The following PTPN5 variants were observed in gnomAD, a reference collection of about 807,000 sequenced individuals.
The protein encoded by PTPN5 is protein tyrosine phosphatase non-receptor type 5.
In PTPN5, 29 loss-of-function variants were observed where a neutral mutation model predicts 73.9. The ratio of observed to expected loss-of-function variants is 0.39; its 90% CI spans 0.29 to 0.54. PTPN5 has a LOEUF of 0.54. Among genes scored for constraint, PTPN5 ranks in the 20% least tolerant of loss-of-function variants. The pLI is 0.65. For missense variants in PTPN5, 652 were observed against 751.4 expected (o/e 0.87, Z 1.55); for synonymous variants, 267 against 304.7 (o/e 0.88, Z 1.29).
intron 3 of PTPN5, among the ~76,000 whole-genome samples, chr11:18,762,080 G>A (rs1199837222): frequency 6.6e-6 from 1 of 152,154 alleles, no homozygotes; most frequent in African/African-American, 2.4e-5. Context: ...CTGGGGCATT[G>A]GGGGGAGCTC....
At chr11:18,737,595 T>C (rs969230459) in intron 9 of PTPN5, among the ~76,000 whole-genome samples, 2 of 152,198 alleles carry the variant, frequency 1.3e-5, no homozygotes, top group African/African-American at 4.8e-5. Flanking sequence ...ACAGTGTGGC[T>C]AGGAACTGCT....
intron 1 of PTPN5, among the ~76,000 whole-genome samples, chr11:18,781,770 C>G (rs1287867569): frequency 6.6e-6 from 1 of 152,156 alleles, no homozygotes; most frequent in East Asian, 1.9e-4. Context: ...AAGAGCCAGT[C>G]CCTGCCCTCC....
intron 3 of PTPN5, among the ~76,000 whole-genome samples, chr11:18,760,761 T>G (rs1850349579): frequency 6.6e-6 from 1 of 152,202 alleles, no homozygotes; most frequent in Admixed American, 6.5e-5. Flanking sequence ...CTGGGCCCTG[T>G]GCCCCGTCTC....
intron 2 of PTPN5, among the ~76,000 whole-genome samples, chr11:18,770,953 G>C (rs959487807): frequency 1.3e-5 from 2 of 152,124 alleles, no homozygotes; most frequent in East Asian, 3.9e-4. Flanking sequence ...GGGATGGGGG[G>C]TGCTATTAGG....
chr11:18,765,962 T>C (rs892767985), intron 2 of PTPN5, 79 bp from the exon 3 acceptor site: 1 of 1,035,614 alleles, frequency 9.7e-7, no homozygotes, highest in East Asian at 2.6e-5. Flanking sequence ...ATAAGAAGGC[T>C]CCCTCTCCTG....
rs760066099 is a variant in PTPN5, at chr11:18,732,594, T to G, written c.1327A>C (p.Lys443Gln). The change falls in exon 12 of 15, where the codon AAG becomes CAG. Residue 443 changes from lysine (K) to glutamine (Q), a missense_variant and splice_region_variant. Lys to Gln is a moderately conservative substitution (Grantham distance 53). Transcript: ENST00000358540. Reference sequence around the variant, plus strand: ...CCCAGCCCTGCCCCAGGCCTCACCTTGAGGGAGATGAGTCGCAGCCGGTAA... The same window carrying G: ...CCCAGCCCTGCCCCAGGCCTCACCTGGAGGGAGATGAGTCGCAGCCGGTAA... The part of the protein sequence containing the change: ...EDYRLRLISL[K>Q]SGTEERGLKH... 6.2e-7 allele frequency: 1 copy of G among 1,613,238 alleles called. No individual in the cohort carries two copies. The highest frequency in any genetic ancestry group is 1.1e-5 in the South Asian group (1 of 91,074).
intron 8 of PTPN5, 85 bp from the exon 9 acceptor site, chr11:18,738,049 G>C: frequency 9.0e-7 from 1 of 1,114,362 alleles, no homozygotes; most frequent in Admixed American, 1.8e-5. Flanking sequence ...CCAACTCCTA[G>C]CCCAGGGGCT....
intron 3 of PTPN5, among the ~76,000 whole-genome samples, chr11:18,745,026 T>C (rs1464055963): frequency 6.6e-6 from 1 of 152,220 alleles, no homozygotes; most frequent in Non-Finnish European, 1.5e-5. Context: ...CTAAGATTAT[T>C]TCAAGGCAGA....
intron 3 of PTPN5, among the ~76,000 whole-genome samples, chr11:18,764,589 A>G (rs1000596908): frequency 3.3e-5 from 5 of 152,232 alleles, no homozygotes. Context: ...TCCAATGTCT[A>G]TCTTAAAGAG....
At chr11:18,783,201 T>C (rs1851521599) in intron 1 of PTPN5, among the ~76,000 whole-genome samples, 1 of 152,120 alleles carries the variant, frequency 6.6e-6, no homozygotes, top group African/African-American at 2.4e-5. Context: ...CAGTGGGAAA[T>C]GGCAATGCCT....
In PTPN5 at chr11:18,759,758, C is replaced by T. The variant is rs977046591; in HGVS notation, c.97+6049G>A. ...GAAATAAAAATCAACAGAACCTCTA[C>T]CACTGAGTGTTGACAGCTACCGGTG... On this transcript the variant is annotated intron_variant, in intron 3 of 14. Coordinates refer to ENST00000358540, the MANE Select transcript of PTPN5 (RefSeq NM_006906.2). Among the ~76,000 whole-genome samples the T allele has an allele frequency of 2.6e-5, 4 of 152,086 alleles. No homozygotes were observed. The East Asian group carries it at 5.8e-4, about 22-fold the overall frequency.
chr11:18,780,248 C>T (rs1851356446), intron 1 of PTPN5, among the ~76,000 whole-genome samples: 1 of 152,198 alleles, frequency 6.6e-6, no homozygotes, highest in Admixed American at 6.5e-5. Flanking sequence ...GAGCTCCAGG[C>T]TGTTTCCAGG....
intron 3 of PTPN5, among the ~76,000 whole-genome samples, chr11:18,748,028 A>ATG (rs1020745888): frequency 2.7e-4 from 41 of 152,192 alleles, no homozygotes; most frequent in African/African-American, 9.9e-4. Flanking sequence ...ATAAATATAT[A>ATG]TGTGTGTGTA....
At chr11:18,740,259 GAA>G (rs1849303232) in intron 8 of PTPN5, among the ~76,000 whole-genome samples, 1 of 152,224 alleles carries the variant, frequency 6.6e-6, no homozygotes, top group South Asian at 2.1e-4. Flanking sequence ...TGGGAAAACA[GAA>G]GAGTTAGAAG....
At chr11:18,775,872 C>T (rs1171340949) in intron 1 of PTPN5, among the ~76,000 whole-genome samples, 1 of 152,104 alleles carries the variant, frequency 6.6e-6, no homozygotes, top group Non-Finnish European at 1.5e-5. Context: ...CAGCAGAGGG[C>T]GCTCACAGCA....
chr11:18,780,955 A>G (rs1851392352), intron 1 of PTPN5, among the ~76,000 whole-genome samples: 1 of 152,200 alleles, frequency 6.6e-6, no homozygotes, highest in South Asian at 2.1e-4. Context: ...GGGCTGCTGC[A>G]TGACACTCAG....
At position 18,752,695 on chromosome 11, in the gene PTPN5, G is replaced by A. The variant is rs554857239; in HGVS notation, c.98-8496C>T. ...GCTCAGTTCTTTGTGCCTCTTTGGC[G>A]TGGAGGCCCAGAAGTACGAGGGTGA... On this transcript the variant is annotated intron_variant, in intron 3 of 14. Coordinates refer to ENST00000358540, the MANE Select transcript of PTPN5 (RefSeq NM_006906.2). 1.5e-4 allele frequency among the ~76,000 whole-genome samples: 23 copies of A among 152,334 alleles called. No homozygotes were observed. The East Asian group carries it at 3.1e-3, about 20-fold the overall frequency.
At chr11:18,752,547 G>C (rs909860925) in intron 3 of PTPN5, among the ~76,000 whole-genome samples, 2 of 152,206 alleles carry the variant, frequency 1.3e-5, no homozygotes, top group Non-Finnish European at 1.5e-5. Flanking sequence ...GTCTCTGCCA[G>C]ATAATTAAGT....
At position 18,742,501 on chromosome 11, in the gene PTPN5, C is replaced by T. The variant is rs373288525; in HGVS notation, c.486G>A (p.Val162=). ...SVGLVLVTTL[V]WHLLRTPPEP... ...CTGGGGGTGTCCTCAGGAGGTGCCA[C>T]ACCTGGTTGGGGTGTACAGCATCAC... Residue 162 remains valine, a splice_region_variant and synonymous_variant, in exon 7 of 15, where the codon GTG becomes GTA. Coordinates refer to ENST00000358540, the MANE Select transcript of PTPN5 (RefSeq NM_006906.2). The surrounding 1 kb of genome is among the most constrained non-coding windows in gnomAD (Gnocchi z 4.1). The T allele has an allele frequency of 5.0e-6, 8 of 1,613,024 alleles. No individual in the cohort carries two copies. The East Asian group carries it at 8.9e-5, about 18-fold the overall frequency.
Sources: allele counts gnomAD v4.1 joint callset (sites outside exome capture counted in the v4.1 genomes callset), GRCh38; gene constraint gnomAD v4.1.1; non-coding constraint Gnocchi (gnomAD v3.1); transcripts MANE v1.5; gene names NCBI Gene and HGNC (gene_info 2026-07-23, HGNC 2026-07-21).